FHIT: variants seen among roughly 807,000 people sequenced by gnomAD.
FHIT encodes the protein bis(5'-adenosyl)-triphosphatase.
A neutral mutation model predicts 17.9 loss-of-function variants in FHIT; 19 were observed. The observed-to-expected ratio is 1.06, with a 90% CI of 0.74 to 1.56. FHIT has a LOEUF of 1.56. FHIT is among the 40% of genes most tolerant of loss of function. The pLI is 0.00. For synonymous variants in FHIT, 81 were observed against 69.7 expected, an observed-to-expected ratio of 1.16 and a Z score of -0.81; for missense variants, 248 against 189.2, an observed-to-expected ratio of 1.31 and a Z score of -1.82.
In FHIT at chr3:60,354,429, G is replaced by A. The variant is rs145767489; in HGVS notation, c.103+182431C>T. Among the ~76,000 whole-genome samples, 171 of 152,146 alleles carry A rather than the reference G, an allele frequency of 1.1e-3. 3 individuals carry two copies. The highest frequency in any genetic ancestry group is 1.3e-3 in the Non-Finnish European group (90 of 67,984). Reference sequence around the variant, plus strand: ...CCCTGCTAAAAACAGACTCAGTTTAGTATCTCCTTAGGTTCTGATATAAGA... The same window carrying A: ...CCCTGCTAAAAACAGACTCAGTTTAATATCTCCTTAGGTTCTGATATAAGA... On this transcript the variant is annotated intron_variant, in intron 5 of 9. Transcript: ENST00000492590.
intron 2 of FHIT, among the ~76,000 whole-genome samples, chr3:61,123,771 C>T (rs1304693953): frequency 2.0e-5 from 3 of 151,914 alleles, no homozygotes; most frequent in African/African-American, 7.3e-5. Context: ...GTAGTGTTTG[C>T]CAATTTTCAT....
At chr3:59,981,983 C>T (rs904320809) in intron 7 of FHIT, among the ~76,000 whole-genome samples, 3 of 151,800 alleles carry the variant, frequency 2.0e-5, no homozygotes, top group Non-Finnish European at 4.4e-5. Context: ...AATTATTGAT[C>T]TGGTATTAAA....
chr3:60,565,056 A>C (rs1388256918), intron 4 of FHIT, among the ~76,000 whole-genome samples: 1 of 152,170 alleles, frequency 6.6e-6, no homozygotes, highest in Non-Finnish European at 1.5e-5. Context: ...ATGATCAGTC[A>C]GCAGCCATCA....
intron 4 of FHIT, among the ~76,000 whole-genome samples, chr3:60,784,791 A>G (rs1341672211): frequency 6.6e-6 from 1 of 152,192 alleles, no homozygotes; most frequent in Non-Finnish European, 1.5e-5. Context: ...GGTGATTAGG[A>G]CATGAGGGTG....
chr3:60,922,414 C>A (rs1707332898), intron 3 of FHIT, among the ~76,000 whole-genome samples: 1 of 152,104 alleles, frequency 6.6e-6, no homozygotes, highest in African/African-American at 2.4e-5. Context: ...AGATGGGGAC[C>A]CATTATCTTT....
intron 5 of FHIT, among the ~76,000 whole-genome samples, chr3:60,079,610 T>G (rs1395776859): frequency 6.6e-6 from 1 of 151,974 alleles, no homozygotes; most frequent in Non-Finnish European, 1.5e-5. Context: ...GAACCCTACC[T>G]TCTCTTATTT....
At chr3:59,794,605 G>C (rs1699703157) in intron 8 of FHIT, among the ~76,000 whole-genome samples, 1 of 152,206 alleles carries the variant, frequency 6.6e-6, no homozygotes. Flanking sequence ...GGAGACAGCT[G>C]CTGTTATCTT....
chr3:60,269,792 G>T (rs369605055), intron 5 of FHIT, among the ~76,000 whole-genome samples: 4 of 152,166 alleles, frequency 2.6e-5, no homozygotes, highest in African/African-American at 9.7e-5. Flanking sequence ...TTTAAGAAAG[G>T]AATCTGTAAG....
Position 60,322,129 on chromosome 3 carries a change from G to A in FHIT, c.103+214731C>T, listed in dbSNP as rs6764821. Among the ~76,000 whole-genome samples the A allele has an allele frequency of 6.1e-3, 929 of 152,234 alleles. 9 individuals are homozygous for A. The highest frequency in any genetic ancestry group is 0.021 in the African/African-American group (876 of 41,532). ...CAGGTACAGCCCATAGAAATACCGT[G>A]GGCCCAACAGCTTATTTTCATTATG... On this transcript the variant is annotated intron_variant, in intron 5 of 9. Transcript: ENST00000492590.
At chr3:60,845,927 C>A (rs1245570427) in intron 3 of FHIT, among the ~76,000 whole-genome samples, 2 of 152,084 alleles carry the variant, frequency 1.3e-5, no homozygotes, top group African/African-American at 4.8e-5. Context: ...CAGTTTTAAA[C>A]CATTGGCAAC....
chr3:61,177,523 A>C (rs762969100), intron 2 of FHIT, among the ~76,000 whole-genome samples: 1 of 152,206 alleles, frequency 6.6e-6, no homozygotes, highest in Non-Finnish European at 1.5e-5. Flanking sequence ...TGTATTTTCC[A>C]ATACCAAAAT....
At chr3:59,998,675 T>C (rs763690682) in intron 7 of FHIT, among the ~76,000 whole-genome samples, 1 of 152,072 alleles carries the variant, frequency 6.6e-6, no homozygotes, top group Non-Finnish European at 1.5e-5. Context: ...TATAATCCAA[T>C]TATTCCAACA....
chr3:61,217,058 T>C (rs1258054704), intron 1 of FHIT, among the ~76,000 whole-genome samples: 2 of 151,986 alleles, frequency 1.3e-5, no homozygotes, highest in African/African-American at 4.8e-5. Flanking sequence ...GATGAGTTAA[T>C]GAGTGCAGCA....
At chr3:60,613,694 T>G (rs1331533392) in intron 4 of FHIT, among the ~76,000 whole-genome samples, 1 of 152,080 alleles carries the variant, frequency 6.6e-6, no homozygotes, top group Non-Finnish European at 1.5e-5. Context: ...TACATTTCCC[T>G]TTTTCTCTCA....
chr3:60,586,347 T>C (rs1264780656), intron 4 of FHIT, among the ~76,000 whole-genome samples: 1 of 152,044 alleles, frequency 6.6e-6, no homozygotes, highest in Non-Finnish European at 1.5e-5. Flanking sequence ...GATGTGCTCT[T>C]ATCCAGCAAA....
chr3:60,637,047 C>T (rs2856049), intron 4 of FHIT, among the ~76,000 whole-genome samples: 1 of 152,012 alleles, frequency 6.6e-6, no homozygotes, highest in Admixed American at 6.6e-5. Context: ...CCTGGCAGCA[C>T]CAGGGATAGA....
intron 3 of FHIT, among the ~76,000 whole-genome samples, chr3:61,033,384 A>G (rs2033100165): frequency 6.6e-6 from 1 of 152,232 alleles, no homozygotes; most frequent in Admixed American, 6.5e-5. Context: ...GTGTAAGGGT[A>G]AAATACACAC....
At chr3:60,543,159 C>T (rs2036241048) in intron 4 of FHIT, among the ~76,000 whole-genome samples, 1 of 152,062 alleles carries the variant, frequency 6.6e-6, no homozygotes, top group South Asian at 2.1e-4. Flanking sequence ...GTTGCAATTA[C>T]TCAACTTTGT....
chr3:60,011,310 AT>A, intron 7 of FHIT, 60 bp downstream of exon 7: 2 of 1,526,440 alleles, frequency 1.3e-6, no homozygotes, highest in South Asian at 1.1e-5. Flanking sequence ...ACTCGTTGTG[AT>A]TTTTTATTAG....
Sources: allele counts gnomAD v4.1 joint callset (sites outside exome capture counted in the v4.1 genomes callset), GRCh38; gene constraint gnomAD v4.1.1; transcripts MANE v1.5; gene names NCBI Gene and HGNC (gene_info 2026-07-23, HGNC 2026-07-21).